Variants in REPS1 observed in about 807,000 individuals in gnomAD.
REPS1 encodes ralBP1-associated Eps domain-containing protein 1.
Under a neutral mutation model 100.9 loss-of-function variants are expected in REPS1, and 39 were observed. The observed-to-expected ratio is 0.39, with a 90% CI of 0.30 to 0.50. The LOEUF is 0.50. REPS1 is among the 20% of genes least tolerant of loss of function. The pLI is 0.86. For missense variants in REPS1, 821 were observed against 968.5 expected, an observed-to-expected ratio of 0.85 and a Z score of 2.02; for synonymous variants, 324 against 340.3, an observed-to-expected ratio of 0.95 and a Z score of 0.53.
chr6:138,941,341 A>C lies in REPS1; in HGVS notation c.1129T>G (p.Ser377Ala). Residue 377 changes from serine (S) to alanine (A), a missense_variant, in exon 8 of 20, where the codon TCA (serine) becomes GCA (alanine). By Grantham distance (99) the Ser-to-Ala change is moderately conservative (BLOSUM62 1). This residue lies in a region of REPS1 where 757 missense variants were observed against 866.4 expected (regional missense o/e 0.87). Coordinates refer to ENST00000450536, the MANE Select transcript of REPS1 (RefSeq NM_001286611.2). Reference protein sequence around the residue: ...LMPKLIDLEDSADVGDQPGEV... With the variant: ...LMPKLIDLEDAADVGDQPGEV... ...CTTCAGCTCCCAATCTTACCTGCTG[A>C]ATCTTCCAAATCAATCAGTTTGGGC... 1 of 1,614,012 alleles carries C rather than the reference A, an allele frequency of 6.2e-7. No homozygotes were observed. The highest frequency in any genetic ancestry group is 8.5e-7 in the Non-Finnish European group (1 of 1,179,978).
chr6:138,952,324 A>C (rs184437491), intron 1 of REPS1, among the ~76,000 whole-genome samples: 1 of 152,024 alleles, frequency 6.6e-6, no homozygotes, highest in East Asian at 1.9e-4. Flanking sequence ...CTACCAAAAA[A>C]CTCTCAGATC....
At chr6:138,916,095 C>A in intron 13 of REPS1, 119 bp from the exon 14 acceptor site, 2 of 771,182 alleles carry the variant, frequency 2.6e-6, no homozygotes, top group Non-Finnish European at 4.7e-6. Flanking sequence ...TTTCTCAACA[C>A]TCAAGTATGT....
intron 8 of REPS1, among the ~76,000 whole-genome samples, chr6:138,937,188 GA>G (rs756292913): frequency 2.0e-5 from 3 of 151,996 alleles, no homozygotes; most frequent in Non-Finnish European, 2.9e-5. Context: ...CTGCCCCCAT[GA>G]TTCAATTACC....
At chr6:138,931,063 C>T (rs1002784683) in intron 8 of REPS1, among the ~76,000 whole-genome samples, 2 of 152,062 alleles carry the variant, frequency 1.3e-5, no homozygotes, top group African/African-American at 4.8e-5. Flanking sequence ...ACAGGGAGTA[C>T]CTAATCGGTT....
chr6:138,921,183 C>CA, intron 10 of REPS1, 59 bp from the exon 11 acceptor site: 1 of 1,155,388 alleles, frequency 8.7e-7, no homozygotes, highest in African/African-American at 1.6e-5. Flanking sequence ...TAATGCCATG[C>CA]AATAATCAAA....
chr6:138,922,208 A>C (rs931040233), intron 10 of REPS1, among the ~76,000 whole-genome samples: 2 of 152,142 alleles, frequency 1.3e-5, no homozygotes, highest in African/African-American at 4.8e-5. Context: ...TTAACCTATA[A>C]AACAAAGTTA....
chr6:138,986,983 T>C (rs1215380566), intron 1 of REPS1, among the ~76,000 whole-genome samples: 1 of 152,206 alleles, frequency 6.6e-6, no homozygotes, highest in Non-Finnish European at 1.5e-5. Context: ...AATTACAACT[T>C]CTTGTATGCC....
At chr6:138,977,014 T>C (rs1784636118) in intron 1 of REPS1, among the ~76,000 whole-genome samples, 1 of 152,212 alleles carries the variant, frequency 6.6e-6, no homozygotes, top group African/African-American at 2.4e-5. Context: ...CTCCACCACA[T>C]TCAACCTTTA....
At chr6:138,962,898 G>A (rs1378934086) in intron 1 of REPS1, among the ~76,000 whole-genome samples, 2 of 151,986 alleles carry the variant, frequency 1.3e-5, no homozygotes, top group Admixed American at 6.6e-5. Context: ...ATTTTTCTGC[G>A]GTCCCTCTCC....
chr6:138,962,920 C>T (rs1169403011), intron 1 of REPS1, among the ~76,000 whole-genome samples: 2 of 152,212 alleles, frequency 1.3e-5, no homozygotes, highest in Non-Finnish European at 2.9e-5. Context: ...CTCCTACACA[C>T]AGGCTACAAG....
At chr6:138,926,582 T>C (rs1411728402) in intron 9 of REPS1, 101 bp from the exon 10 acceptor site, 2 of 764,316 alleles carry the variant, frequency 2.6e-6, no homozygotes, top group Admixed American at 2.2e-5. Context: ...GCACTGCAAG[T>C]TGTGTTTCAT....
intron 12 of REPS1, among the ~76,000 whole-genome samples, chr6:138,918,106 T>TGC (rs1780526528): frequency 6.6e-6 from 1 of 151,938 alleles, no homozygotes; most frequent in Admixed American, 6.6e-5. Flanking sequence ...TGTGTGTGTG[T>TGC]GTGCGTGTGT....
At chr6:138,931,557 T>C (rs1277625822) in intron 8 of REPS1, among the ~76,000 whole-genome samples, 1 of 152,220 alleles carries the variant, frequency 6.6e-6, no homozygotes, top group African/African-American at 2.4e-5. Flanking sequence ...AGAATTGTAT[T>C]CTGATTGATT....
intron 9 of REPS1, chr6:138,927,147 A>T (rs1781190692): frequency 6.6e-6 from 1 of 152,114 alleles, no homozygotes. Flanking sequence ...CAGAACTGCC[A>T]ATCAGACACC....
intron 1 of REPS1, among the ~76,000 whole-genome samples, chr6:138,952,237 G>C (rs1783084363): frequency 6.6e-6 from 1 of 152,096 alleles, no homozygotes. Flanking sequence ...AAGGGCATCT[G>C]AACTGGAAAG....
At position 138,908,699 on chromosome 6, in the gene REPS1, C is replaced by G; in HGVS notation, c.2185G>C (p.Ala729Pro). ...ATAGAAGGTTGTGATGCAAGAACAG[C>G]AGCTAAGACACCCGTCTTTTGTGTA... ...EHTQKTGVLA[A>P]VLASQPSIPR... Residue 729 changes from alanine (A) to proline (P), a missense_variant, in exon 18 of 20, where the codon GCT becomes CCT. Ala to Pro is a conservative substitution (Grantham distance 27, BLOSUM62 -1). Coordinates refer to ENST00000450536, the MANE Select transcript of REPS1 (RefSeq NM_001286611.2). 6.2e-7 allele frequency: 1 copy of G among 1,614,160 alleles called. No individual in the cohort carries two copies. The highest frequency in any genetic ancestry group is 8.5e-7 in the Non-Finnish European group (1 of 1,180,016).
chr6:138,937,490 A>G (rs938592950), intron 8 of REPS1, among the ~76,000 whole-genome samples: 16 of 151,978 alleles, frequency 1.1e-4, no homozygotes, highest in Non-Finnish European at 2.2e-4. Context: ...CTCTTCATGG[A>G]AAGTCTTCAT....
At chr6:138,916,217 T>A (rs890369067) in intron 13 of REPS1, 1 of 324,938 alleles carries the variant, frequency 3.1e-6, no homozygotes, top group African/African-American at 2.6e-5. Flanking sequence ...TTTCTTTTTT[T>A]CTTTTTTTTT....
intron 1 of REPS1, among the ~76,000 whole-genome samples, chr6:138,974,290 G>A (rs1201621947): frequency 1.3e-5 from 2 of 152,100 alleles, no homozygotes; most frequent in Non-Finnish European, 2.9e-5. Context: ...TATCGTAAGA[G>A]CATGCACTTT....
Sources: gnomAD v4.1 joint callset for allele counts (sites outside exome capture counted in the v4.1 genomes callset) on GRCh38, gnomAD v4.1.1 for gene constraint, gnomAD v4.1.1 regional missense constraint, MANE v1.5 for transcripts, NCBI Gene and HGNC (gene_info 2026-07-23, HGNC 2026-07-21) for gene names.